The following SATB2 variants were observed in gnomAD, a reference collection of about 807,000 sequenced individuals.
SATB2 encodes DNA-binding protein SATB2.
SATB2 carries 1 observed loss-of-function variant against 73.4 expected under a neutral mutation model. That is an observed-to-expected ratio of 0.01 (90% CI 0.00 to 0.06). The LOEUF (loss-of-function observed/expected upper bound fraction) is 0.06. Ranked by LOEUF, SATB2 falls within the 10% of genes least tolerant of loss-of-function variation. The pLI, the probability that SATB2 is intolerant of heterozygous loss-of-function variation, is 1.00. For missense variants in SATB2, 459 were observed against 945.8 expected (o/e 0.49, Z 6.75); for synonymous variants, 397 against 367.0 (o/e 1.08, Z -0.93).
chr2:199,324,366 A>T (rs1377773039), intron 8 of SATB2, among the ~76,000 whole-genome samples: 1 of 152,196 alleles, frequency 6.6e-6, no homozygotes, highest in Non-Finnish European at 1.5e-5. Flanking sequence ...AGGTCTCTAA[A>T]TAATAAATTA....
intron 8 of SATB2, among the ~76,000 whole-genome samples, 182 bp from the exon 9 acceptor site, chr2:199,324,140 A>T (rs1380381408): frequency 6.6e-6 from 1 of 152,128 alleles, no homozygotes; most frequent in East Asian, 1.9e-4. Flanking sequence ...GTGCATTCCT[A>T]TAGGACATGC....
intron 10 of SATB2, among the ~76,000 whole-genome samples, chr2:199,293,011 G>T (rs990845721): frequency 2.0e-5 from 3 of 152,120 alleles, no homozygotes; most frequent in African/African-American, 7.2e-5. Context: ...TATTATTAAA[G>T]TTTCAAAAGC....
At chr2:199,320,738 G>A (rs986960107) in intron 9 of SATB2, among the ~76,000 whole-genome samples, 1 of 151,894 alleles carries the variant, frequency 6.6e-6, no homozygotes, top group Non-Finnish European at 1.5e-5. Context: ...TACAGCCCTC[G>A]AGGACCCTCT....
In SATB2 at chr2:199,410,382, G is replaced by A. The variant is rs990675192; in HGVS notation, c.346+22956C>T. 1.8e-4 allele frequency among the ~76,000 whole-genome samples: 28 copies of A among 152,194 alleles called. 1 individual carries two copies. Among genetic ancestry groups the A allele is most frequent in the Admixed American group, 1.4e-3 (22 of 15,276 alleles). ...AAAATGAGTCATTGTTCCTCGGGGA[G>A]AGTCTTCTTGTCTCAATTGGTATTT... On this transcript the variant is annotated intron_variant, in intron 3 of 10. Transcript: ENST00000417098.
rs950910176 is a variant in SATB2, at chr2:199,372,894, T to C, written c.598-4187A>G. Among the ~76,000 whole-genome samples, 63 of 152,212 alleles carry C rather than the reference T, an allele frequency of 4.1e-4. 2 individuals carry two copies. Among genetic ancestry groups the C allele is most frequent in the Non-Finnish European group, 7.4e-5 (5 of 68,000 alleles). On this transcript the variant is annotated intron_variant, in intron 5 of 10. Transcript: ENST00000417098. ...AACTTAATAGGAAAAAGCAAAATAA[T>C]AAACACAGGTTAAAATGATTTGTAA...
rs187433201 is a variant in SATB2 at position 199,346,231 on chromosome 2, C to T, written c.1173+2470G>A. On this transcript the variant is annotated intron_variant, in intron 7 of 10. Coordinates refer to ENST00000417098, the MANE Select transcript of SATB2 (RefSeq NM_001172509.2). ...GTGGCGCAATCTCGGCTCACTGCAC[C>T]CTCCACCTCCTGGGTTCAAGTGATT... Among the ~76,000 whole-genome samples the T allele has an allele frequency of 2.5e-3, 379 of 151,736 alleles. 1 individual carries two copies. The highest frequency in any genetic ancestry group is 4.3e-3 in the Non-Finnish European group (294 of 67,932).
chr2:199,353,129 C>G (rs1171805658), intron 6 of SATB2, among the ~76,000 whole-genome samples: 1 of 147,116 alleles, frequency 6.8e-6, no homozygotes, highest in Non-Finnish European at 1.5e-5. Flanking sequence ...TTTCAGAAAC[C>G]ATTTACACAC....
intron 9 of SATB2, among the ~76,000 whole-genome samples, chr2:199,322,512 A>G (rs902175080): frequency 6.6e-6 from 1 of 152,202 alleles, no homozygotes; most frequent in African/African-American, 2.4e-5. Context: ...ATTATGTCTT[A>G]GCAAACTGTA....
chr2:199,351,240 C>T (rs1374361348), intron 6 of SATB2, among the ~76,000 whole-genome samples: 5 of 151,066 alleles, frequency 3.3e-5, no homozygotes, highest in African/African-American at 7.3e-5. Flanking sequence ...CAGCTCACTG[C>T]AGCCTCTGCC....
intron 10 of SATB2, among the ~76,000 whole-genome samples, chr2:199,305,841 A>G (rs916475833): frequency 6.6e-6 from 1 of 152,208 alleles, no homozygotes; most frequent in Non-Finnish European, 1.5e-5. Context: ...CTAATTACCT[A>G]AAGAAATTTA....
intron 3 of SATB2, among the ~76,000 whole-genome samples, chr2:199,393,152 C>T (rs1004201851): frequency 6.6e-6 from 1 of 152,174 alleles, no homozygotes; most frequent in Non-Finnish European, 1.5e-5. Context: ...TCCCAGAGAG[C>T]CTCTGCACTT....
chr2:199,299,409 C>T (rs193030740), intron 10 of SATB2, among the ~76,000 whole-genome samples: 5 of 152,150 alleles, frequency 3.3e-5, no homozygotes, highest in East Asian at 3.9e-4. Context: ...AGAGGCTTAA[C>T]GTGTTTCAGA....
At chr2:199,295,061 G>A (rs1422179912) in intron 10 of SATB2, among the ~76,000 whole-genome samples, 1 of 152,158 alleles carries the variant, frequency 6.6e-6, no homozygotes. Context: ...ATTCTATAAA[G>A]TTGATCCAAC....
rs1191432430 is a variant in SATB2 at position 199,463,168 on chromosome 2, G to A, written c.-141+1668C>T. ...CTACCACACCAGGCAACGCCCCCCGGGGCGCCCTTCATTCTTTTGCAGAGC... is the reference window on the plus strand; with the variant it reads ...CTACCACACCAGGCAACGCCCCCCGAGGCGCCCTTCATTCTTTTGCAGAGC... On this transcript the variant is annotated intron_variant, in intron 1 of 11. Transcript: ENST00000260926. The surrounding 1 kb of genome is among the most constrained non-coding windows in gnomAD (Gnocchi z 6.4). 6.6e-6 allele frequency among the ~76,000 whole-genome samples: 1 copy of A among 152,172 alleles called. No homozygotes were observed.
At chr2:199,352,464 G>T (rs758551508) in intron 6 of SATB2, among the ~76,000 whole-genome samples, 12 of 152,112 alleles carry the variant, frequency 7.9e-5, no homozygotes, top group Non-Finnish European at 1.5e-4. Context: ...ATTCTTTAAG[G>T]TTATATATAA....
chr2:199,383,106 C>A (rs1199292024), intron 3 of SATB2, among the ~76,000 whole-genome samples: 1 of 152,154 alleles, frequency 6.6e-6, no homozygotes, highest in Non-Finnish European at 1.5e-5. Flanking sequence ...TAAAATGATA[C>A]ACTGTTTCAG....
rs953056739 is a variant in SATB2 at position 199,356,879 on chromosome 2, G to A, written c.701-7706C>T. Among the ~76,000 whole-genome samples the A allele has an allele frequency of 2.6e-4, 39 of 152,128 alleles. 1 individual carries two copies. The highest frequency in any genetic ancestry group is 8.7e-4 in the African/African-American group (36 of 41,418). ...CCATTTATATAGTAGCTGAAGCACT[G>A]AGCTAAATCCCTGACACATCATTAT... On this transcript the variant is annotated intron_variant, in intron 6 of 10. Coordinates refer to ENST00000417098, the MANE Select transcript of SATB2 (RefSeq NM_001172509.2).
At chr2:199,378,167 T>A (rs1336448879) in intron 5 of SATB2, among the ~76,000 whole-genome samples, 3 of 152,180 alleles carry the variant, frequency 2.0e-5, no homozygotes, top group Non-Finnish European at 4.4e-5. Flanking sequence ...TCCTCACTCA[T>A]GTTGCCTCTC....
At chr2:199,395,841 A>C (rs767725567) in intron 3 of SATB2, 15 of 152,202 alleles carry the variant, frequency 9.9e-5, no homozygotes, top group Non-Finnish European at 2.1e-4. Flanking sequence ...TAAGGCCTTT[A>C]AAAATAAATA....
Sources: gnomAD v4.1 joint callset for allele counts (sites outside exome capture counted in the v4.1 genomes callset) on GRCh38, gnomAD v4.1.1 for gene constraint, Gnocchi (gnomAD v3.1) non-coding constraint, MANE v1.5 for transcripts, NCBI Gene and HGNC (gene_info 2026-07-23, HGNC 2026-07-21) for gene names.